The following USH2A variants were observed in gnomAD, a reference collection of about 807,000 sequenced individuals.
The protein encoded by USH2A is Usher syndrome 2A (autosomal recessive, mild).
USH2A carries 443 observed loss-of-function variants against 538.9 expected under a neutral mutation model. The ratio of observed to expected loss-of-function variants is 0.82; its 90% confidence interval spans 0.76 to 0.89. The LOEUF (loss-of-function observed/expected upper bound fraction) is 0.89. Ranked by LOEUF, USH2A falls within the 40% of genes least tolerant of loss-of-function variation. USH2A has a pLI of 0.00. For missense variants in USH2A, 6,633 were observed against 6,324.8 expected (o/e 1.05, Z -1.65); for synonymous variants, 2,413 against 2,273.5 (o/e 1.06, Z -1.75).
At chr1:215,837,897 A>G (rs1663575764) in intron 47 of USH2A, 94 bp downstream of exon 47, 2 of 1,030,878 alleles carry the variant, frequency 1.9e-6, no homozygotes, top group Non-Finnish European at 3.1e-6. Context: ...AACCCATTAA[A>G]TGAGATTGTC....
At chr1:216,048,416 CTT>C in intron 31 of USH2A, 116 bp downstream of exon 31, 1 of 1,044,976 alleles carries the variant, frequency 9.6e-7, no homozygotes, top group Non-Finnish European at 1.5e-6. Context: ...TGGCAATGCA[CTT>C]TGTCATCAAA....
intron 32 of USH2A, among the ~76,000 whole-genome samples, chr1:216,016,287 A>G (rs1668709884): frequency 1.3e-5 from 2 of 152,210 alleles, no homozygotes; most frequent in South Asian, 4.1e-4. Context: ...GCACATGTAT[A>G]CATATGTAAC....
Position 215,826,550 on chromosome 1 carries a change from C to T in USH2A, c.9372-9355G>A, listed in dbSNP as rs543664209. Among the ~76,000 whole-genome samples the T allele has an allele frequency of 1.3e-4, 20 of 152,268 alleles. 2 individuals carry two copies. In the South Asian group the frequency reaches 4.1e-3, roughly 32 times the overall value. On this transcript the variant is annotated intron_variant, in intron 47 of 71. Coordinates refer to ENST00000307340, the MANE Select transcript of USH2A (RefSeq NM_206933.4). ...CTTTAGAAATGATAGAATCTTTGAACTAGATGCGAGGCTAATATTTTGATG... is the reference window on the plus strand; with the variant it reads ...CTTTAGAAATGATAGAATCTTTGAATTAGATGCGAGGCTAATATTTTGATG...
intron 32 of USH2A, among the ~76,000 whole-genome samples, chr1:216,001,159 C>G (rs529333154): frequency 6.6e-6 from 1 of 152,282 alleles, no homozygotes; most frequent in South Asian, 2.1e-4. Flanking sequence ...TTTGTACATA[C>G]TTTTAGCTTA....
chr1:216,171,228 A>G (rs960105684), intron 21 of USH2A, among the ~76,000 whole-genome samples: 4 of 151,962 alleles, frequency 2.6e-5, no homozygotes, highest in African/African-American at 9.7e-5. Flanking sequence ...TACAGCCTGT[A>G]TTTTGGATTG....
chr1:216,354,636 G>C (rs760657622), intron 4 of USH2A, among the ~76,000 whole-genome samples: 6 of 152,010 alleles, frequency 3.9e-5, no homozygotes, highest in Non-Finnish European at 8.8e-5. Context: ...AGACACAAAA[G>C]AGAAATTGAC....
chr1:216,254,656 A>G (rs2036226547), intron 11 of USH2A, among the ~76,000 whole-genome samples: 1 of 152,180 alleles, frequency 6.6e-6, no homozygotes, highest in Non-Finnish European at 1.5e-5. Flanking sequence ...ATGGCAGAGA[A>G]CTGAGGTGCC....
chr1:216,400,643 T>TA (rs1345814109), intron 3 of USH2A, among the ~76,000 whole-genome samples: 1 of 152,116 alleles, frequency 6.6e-6, no homozygotes, highest in Non-Finnish European at 1.5e-5. Context: ...CTTTCACTAT[T>TA]AAACTGCTAA....
At chr1:216,375,411 T>G (rs750780893) in intron 3 of USH2A, among the ~76,000 whole-genome samples, 1 of 152,202 alleles carries the variant, frequency 6.6e-6, no homozygotes, top group Non-Finnish European at 1.5e-5. Context: ...CTTGCACTTT[T>G]ATGTTATGGA....
chr1:215,767,242 T>C (rs534697184), intron 55 of USH2A, among the ~76,000 whole-genome samples: 19 of 152,316 alleles, frequency 1.2e-4, no homozygotes, highest in African/African-American at 4.6e-4. Context: ...CTAATTTCTT[T>C]TCCACATGAC....
chr1:216,146,386 G>A (rs914511071), intron 21 of USH2A, among the ~76,000 whole-genome samples: 3 of 152,178 alleles, frequency 2.0e-5, no homozygotes, highest in Admixed American at 6.5e-5. Context: ...GTCACAGACT[G>A]GGAAGGCAGC....
chr1:215,878,460 A>C (rs1405007944), intron 42 of USH2A, among the ~76,000 whole-genome samples: 1 of 152,192 alleles, frequency 6.6e-6, no homozygotes, highest in East Asian at 1.9e-4. Context: ...TAGAACCTAC[A>C]TCAGGTTTGC....
In USH2A at chr1:216,251,060, G is replaced by A. The variant is rs147527191; in HGVS notation, c.2010C>T (p.Gly670=). ...GQCNCKRHVS[G]RQCNQCQNGF... ...CATTCTGGCACTGATTGCACTGCCT[G>A]CCAGACACGTGTCTCTTACAATTAC... Residue 670 remains glycine (G), a synonymous_variant, in exon 12 of 72, where the codon GGC becomes GGT. Coordinates refer to ENST00000307340, the MANE Select transcript of USH2A (RefSeq NM_206933.4). The A allele has an allele frequency of 9.3e-6, 15 of 1,613,914 alleles. No homozygotes were observed. Among genetic ancestry groups the A allele is most frequent in the Admixed American group, 1.7e-5 (1 of 59,982 alleles).
chr1:215,914,068 CTT>C (rs11366554), intron 38 of USH2A, among the ~76,000 whole-genome samples: 1,789 of 91,894 alleles, frequency 0.019, 9 homozygotes, highest in African/African-American at 0.063. Context: ...AAGCAACAGA[CTT>C]TTTTTTTTTT....
chr1:215,656,656 T>C (rs1003409731), intron 64 of USH2A, among the ~76,000 whole-genome samples: 2 of 152,214 alleles, frequency 1.3e-5, no homozygotes, highest in African/African-American at 4.8e-5. Flanking sequence ...GTTGTATTAG[T>C]AAAAGTGTTA....
At chr1:215,994,870 G>A (rs1571873879) in intron 34 of USH2A, among the ~76,000 whole-genome samples, 1 of 152,160 alleles carries the variant, frequency 6.6e-6, no homozygotes, top group South Asian at 2.1e-4. Context: ...AATATGGCAG[G>A]AAAAGAGGCC....
At chr1:216,148,669 C>G (rs2033764485) in intron 21 of USH2A, among the ~76,000 whole-genome samples, 1 of 152,072 alleles carries the variant, frequency 6.6e-6, no homozygotes, top group African/African-American at 2.4e-5. Flanking sequence ...ACAAGCCTTA[C>G]AAGTTAGTTC....
chr1:215,971,084 A>G (rs1667484874), intron 35 of USH2A, among the ~76,000 whole-genome samples: 1 of 152,190 alleles, frequency 6.6e-6, no homozygotes, highest in Admixed American at 6.5e-5. Context: ...TAATAAGTGA[A>G]GCATACTTAT....
At chr1:216,394,750 G>T (rs1196575677) in intron 3 of USH2A, among the ~76,000 whole-genome samples, 2 of 84,214 alleles carry the variant, frequency 2.4e-5, no homozygotes, top group Non-Finnish European at 4.8e-5. Context: ...ACAGAGTCTC[G>T]CTCTGTCGCC....
Sources: allele counts gnomAD v4.1 joint callset (sites outside exome capture counted in the v4.1 genomes callset), GRCh38; gene constraint gnomAD v4.1.1; transcripts MANE v1.5; gene names NCBI Gene and HGNC (gene_info 2026-07-23, HGNC 2026-07-21).